SGMS1: variants seen among roughly 807,000 people sequenced by gnomAD.
SGMS1 encodes sphingomyelin synthase 1, also known as phosphatidylcholine:ceramide cholinephosphotransferase 1.
A neutral mutation model predicts 46.2 loss-of-function variants in SGMS1; 13 were observed. That is an observed-to-expected ratio of 0.28 (90% CI 0.18 to 0.45). SGMS1 has a LOEUF of 0.45. Ranked by LOEUF, SGMS1 falls within the 20% of genes least tolerant of loss-of-function variation. SGMS1 has a pLI of 1.00. For missense variants in SGMS1, 324 were observed against 519.9 expected, an observed-to-expected ratio of 0.62 and a Z score of 3.66; for synonymous variants, 203 against 187.8, an observed-to-expected ratio of 1.08 and a Z score of -0.66.
intron 7 of SGMS1, chr10:50,342,212 G>T (rs1202788848): frequency 6.6e-6 from 1 of 152,140 alleles, no homozygotes; most frequent in African/African-American, 2.4e-5. Context: ...CAAAAATAAT[G>T]CATTTAATAA....
chr10:50,351,220 T>C (rs971187507), intron 6 of SGMS1, among the ~76,000 whole-genome samples: 1 of 152,164 alleles, frequency 6.6e-6, no homozygotes, highest in Admixed American at 6.5e-5. Context: ...TTGGCCAATT[T>C]CCCCCATTTG....
At chr10:50,338,417 A>ATT (rs1391289241) in intron 7 of SGMS1, among the ~76,000 whole-genome samples, 1 of 152,208 alleles carries the variant, frequency 6.6e-6, no homozygotes, top group African/African-American at 2.4e-5. Flanking sequence ...TAGAAAACAC[A>ATT]TATCAAGATA....
At chr10:50,527,323 T>C (rs542829313) in intron 2 of SGMS1, among the ~76,000 whole-genome samples, 1 of 152,340 alleles carries the variant, frequency 6.6e-6, no homozygotes, top group South Asian at 2.1e-4. Context: ...TGCCAGGCAG[T>C]GCTGCAAGCA....
At chr10:50,400,194 T>C (rs944018351) in intron 6 of SGMS1, among the ~76,000 whole-genome samples, 6 of 151,662 alleles carry the variant, frequency 4.0e-5, no homozygotes, top group Admixed American at 1.3e-4. Context: ...GTTAGTACAG[T>C]TGTCAAAAGA....
chr10:50,534,954 C>T (rs146755041), intron 2 of SGMS1, among the ~76,000 whole-genome samples: 6 of 152,322 alleles, frequency 3.9e-5, no homozygotes, highest in African/African-American at 1.4e-4. Flanking sequence ...TAGCTATTGG[C>T]CAGATGTGGT....
At chr10:50,587,070 C>T (rs1470865688) in intron 2 of SGMS1, among the ~76,000 whole-genome samples, 1 of 152,176 alleles carries the variant, frequency 6.6e-6, no homozygotes, top group Admixed American at 6.5e-5. Flanking sequence ...ATATTACACA[C>T]ACACACAAAG....
chr10:50,353,431 A>C (rs1303775399), intron 6 of SGMS1, among the ~76,000 whole-genome samples: 1 of 152,302 alleles, frequency 6.6e-6, no homozygotes, highest in African/African-American at 2.4e-5. Flanking sequence ...TATTGATGGG[A>C]TGTATCTCAA....
chr10:50,430,998 ATCT>A (rs1420097438), intron 6 of SGMS1, among the ~76,000 whole-genome samples: 3 of 152,170 alleles, frequency 2.0e-5, no homozygotes, highest in East Asian at 1.9e-4. Context: ...TAATGAAGAA[ATCT>A]TCTATACAAG....
intron 2 of SGMS1, among the ~76,000 whole-genome samples, chr10:50,526,472 C>A (rs1348796872): frequency 1.3e-5 from 2 of 152,172 alleles, no homozygotes; most frequent in South Asian, 4.1e-4. Context: ...TACAGACACA[C>A]AATCTCCCTG....
intron 7 of SGMS1, 25 bp downstream of exon 7, chr10:50,343,467 A>C (rs1468007084): frequency 4.5e-6 from 7 of 1,558,988 alleles, no homozygotes; most frequent in Middle Eastern, 1.7e-4. Context: ...TAATCATTGA[A>C]TCTTAGAGCT....
At chr10:50,368,892 TAGAA>T (rs1848391852) in intron 6 of SGMS1, among the ~76,000 whole-genome samples, 1 of 152,274 alleles carries the variant, frequency 6.6e-6, no homozygotes, top group Non-Finnish European at 1.5e-5. Context: ...ACTTTACTCT[TAGAA>T]AGCCTTGATT....
rs369363266 is a variant in SGMS1, at chr10:50,350,737, G to C, written c.-231-6392C>G. 1.2e-3 allele frequency among the ~76,000 whole-genome samples: 184 copies of C among 152,334 alleles called. 2 individuals carry two copies. Among genetic ancestry groups the C allele is most frequent in the African/African-American group, 3.9e-3 (162 of 41,574 alleles). ...GAGCCTGCGGGTGCACAGAAGTCAA[G>C]AATTGAGGTTTGGGAACTTCTGCCT... On this transcript the variant is annotated intron_variant, in intron 6 of 10. Coordinates refer to ENST00000361781, the MANE Select transcript of SGMS1 (RefSeq NM_147156.4).
intron 7 of SGMS1, among the ~76,000 whole-genome samples, chr10:50,334,210 A>C (rs1304280084): frequency 6.6e-6 from 1 of 152,252 alleles, no homozygotes; most frequent in African/African-American, 2.4e-5. Context: ...ATGTAGAATT[A>C]AAATCAAGTA....
chr10:50,338,276 T>C (rs1473719046), intron 7 of SGMS1, among the ~76,000 whole-genome samples: 1 of 152,174 alleles, frequency 6.6e-6, no homozygotes, highest in Admixed American at 6.5e-5. Flanking sequence ...AACTGTCCAA[T>C]GGTTTCTTTT....
At chr10:50,536,248 C>T (rs560758979) in intron 2 of SGMS1, among the ~76,000 whole-genome samples, 1 of 151,990 alleles carries the variant, frequency 6.6e-6, no homozygotes, top group Non-Finnish European at 1.5e-5. Flanking sequence ...TGGGAGGATC[C>T]CTTGAACCCA....
chr10:50,315,257 C>G (rs1847321816), intron 8 of SGMS1, among the ~76,000 whole-genome samples: 1 of 152,160 alleles, frequency 6.6e-6, no homozygotes, highest in Non-Finnish European at 1.5e-5. Context: ...TTTACAAACA[C>G]TATGTGCAGA....
At chr10:50,341,465 A>T in intron 7 of SGMS1, 2 of 455,976 alleles carry the variant, frequency 4.4e-6, no homozygotes, top group Non-Finnish European at 8.8e-6. Flanking sequence ...ATCAGAGAGG[A>T]CTTAGTTGGA....
chr10:50,432,664 T>C (rs1302668450), intron 6 of SGMS1, among the ~76,000 whole-genome samples: 4 of 152,172 alleles, frequency 2.6e-5, no homozygotes, highest in Non-Finnish European at 4.4e-5. Context: ...ATGACACAAA[T>C]ATAAGGAAGA....
chr10:50,507,050 C>T (rs1187118383), intron 3 of SGMS1, among the ~76,000 whole-genome samples: 1 of 152,200 alleles, frequency 6.6e-6, no homozygotes, highest in Non-Finnish European at 1.5e-5. Context: ...CTAGTCCAAA[C>T]TCCCCCAGGC....
Sources: gnomAD v4.1 joint callset for allele counts (sites outside exome capture counted in the v4.1 genomes callset) on GRCh38, gnomAD v4.1.1 for gene constraint, MANE v1.5 for transcripts, NCBI Gene and HGNC (gene_info 2026-07-23, HGNC 2026-07-21) for gene names.